Variants in TPST2 observed in about 807,000 individuals in gnomAD.
TPST2 encodes tyrosylprotein sulfotransferase 2.
In TPST2, 16 loss-of-function variants were observed where a neutral mutation model predicts 27.8. That is an observed-to-expected ratio of 0.58 (90% CI 0.39 to 0.88). TPST2 has a LOEUF of 0.88. TPST2 is among the 40% of genes least tolerant of loss of function. The probability of loss-of-function intolerance (pLI) is 0.00; values close to 1 mark genes in which losing one functional copy is unlikely to be tolerated. For missense variants in TPST2, 464 were observed against 543.1 expected (o/e 0.85, Z 1.45); for synonymous variants, 229 against 231.7 (o/e 0.99, Z 0.10).
chr22:26,532,273 C>T lies in TPST2; in HGVS notation c.1092+422G>A, dbSNP rs540708366. 2.0e-5 allele frequency among the ~76,000 whole-genome samples: 3 copies of T among 152,214 alleles called. No individual in the cohort carries two copies. The East Asian group carries it at 5.8e-4, about 29-fold the overall frequency. ...TCTGGTCCAGCACGCATCCCCACAG[C>T]CCTTTATTTTTTATTTTTATTTTTT... is the stretch of plus-strand genomic sequence containing the variant. On this transcript the variant is annotated intron_variant, in intron 5 of 6. Coordinates refer to ENST00000338754, the MANE Select transcript of TPST2 (RefSeq NM_003595.5).
chr22:26,570,053 A>G (rs11704297), intron 1 of TPST2, among the ~76,000 whole-genome samples: 1 of 131,550 alleles, frequency 7.6e-6, no homozygotes, highest in East Asian at 2.2e-4. Flanking sequence ...GACAGAAAGA[A>G]AGAAAGAAAG....
intron 4 of TPST2, chr22:26,535,845 T>G (rs1925425705): frequency 6.2e-6 from 2 of 323,886 alleles, no homozygotes; most frequent in Non-Finnish European, 1.2e-5. Context: ...TAAGCATAAT[T>G]TAAACAGCCC....
chr22:26,550,187 C>T (rs1320985985), intron 1 of TPST2, among the ~76,000 whole-genome samples: 8 of 152,074 alleles, frequency 5.3e-5, no homozygotes, highest in Non-Finnish European at 8.8e-5. Flanking sequence ...TTCATTCCAC[C>T]AATGTTTACT....
chr22:26,585,603 C>G (rs1928310996), intron 1 of TPST2, among the ~76,000 whole-genome samples: 1 of 152,154 alleles, frequency 6.6e-6, no homozygotes, highest in South Asian at 2.1e-4. Context: ...CTGCTGCTAC[C>G]CAGAGAAGCT....
chr22:26,526,597 G>A (rs892957688), intron 6 of TPST2, among the ~76,000 whole-genome samples: 1 of 152,142 alleles, frequency 6.6e-6, no homozygotes, highest in Non-Finnish European at 1.5e-5. Context: ...TCTGTACCCA[G>A]GATTCAGCTA....
chr22:26,561,033 G>A, intron 1 of TPST2: 1 of 1,600,150 alleles, frequency 6.2e-7, no homozygotes, highest in Non-Finnish European at 8.5e-7. Context: ...AAAGCCTGAT[G>A]CAGCAAAAAA....
At position 26,540,907 on chromosome 22, in the gene TPST2, C is replaced by A; in HGVS notation, c.724G>T (p.Val242Leu). Residue 242 changes from valine to leucine, a missense_variant, in exon 3 of 7, where the codon GTG becomes TTG. Val to Leu is a conservative substitution (Grantham distance 32). Transcript: ENST00000338754. ...TTGAGTGAGCGCCTGGGGTGCAGCACCAGCTGCTCGTAGTACACAGGCAGG... is the reference window on the plus strand; with the variant it reads ...TTGAGTGAGCGCCTGGGGTGCAGCAACAGCTGCTCGTAGTACACAGGCAGG... ...KCLPVYYEQLVLHPRRSLKLI... is the reference protein window; with the variant it reads ...KCLPVYYEQLLLHPRRSLKLI... 2.5e-6 allele frequency: 4 copies of A among 1,614,206 alleles called. No homozygotes were observed. The highest frequency in any genetic ancestry group is 3.4e-6 in the Non-Finnish European group (4 of 1,180,038).
At chr22:26,583,426 A>G (rs1471672394) in intron 1 of TPST2, among the ~76,000 whole-genome samples, 9 of 131,776 alleles carry the variant, frequency 6.8e-5, no homozygotes, top group East Asian at 2.3e-4. Flanking sequence ...GACAGAAGGA[A>G]ACTCCATCTC....
intron 1 of TPST2, among the ~76,000 whole-genome samples, chr22:26,573,639 T>C (rs1401634131): frequency 6.6e-6 from 1 of 152,182 alleles, no homozygotes; most frequent in Non-Finnish European, 1.5e-5. Context: ...AAGCAAGCAA[T>C]AAATAAATAC....
intron 5 of TPST2, among the ~76,000 whole-genome samples, chr22:26,530,705 A>C (rs1355032601): frequency 6.6e-6 from 1 of 151,586 alleles, no homozygotes; most frequent in Non-Finnish European, 1.5e-5. Context: ...AACAAGGCTA[A>C]AAGTGTTTTA....
Position 26,522,232 on chromosome 22 carries a change from CTT to C in TPST2, c.*4041_*4042del, listed in dbSNP as rs1051853670. 4.7e-5 allele frequency: 7 copies of C among 148,776 alleles called. No individual in the cohort carries two copies. Among genetic ancestry groups the C allele is most frequent in the Non-Finnish European group, 1.1e-4 (7 of 66,600 alleles). The allele number at this position is 148,776 out of a possible 1,614,324, so 9.2% of individuals were successfully genotyped here. On this transcript the variant is annotated 3_prime_UTR_variant, in exon 7 of 7. Coordinates refer to ENST00000338754, the MANE Select transcript of TPST2 (RefSeq NM_003595.5). ...ACTGAGGCTCAGAGAAGGGGAGTCACTTGGCCACAGTCGCACAGTTGGAAAGT... is the reference window on the plus strand; with the variant it reads ...ACTGAGGCTCAGAGAAGGGGAGTCACGGCCACAGTCGCACAGTTGGAAAGT...
chr22:26,574,542 C>T (rs1443911733), intron 1 of TPST2, among the ~76,000 whole-genome samples: 1 of 152,176 alleles, frequency 6.6e-6, no homozygotes, highest in Non-Finnish European at 1.5e-5. Flanking sequence ...GCCTGAGGCA[C>T]CTGTTTGCCC....
intron 1 of TPST2, among the ~76,000 whole-genome samples, chr22:26,588,756 C>T (rs1049844212): frequency 3.9e-5 from 6 of 151,922 alleles, no homozygotes; most frequent in South Asian, 2.1e-4. Flanking sequence ...ATGCGTCGCC[C>T]GGGCCACATC....
intron 1 of TPST2, among the ~76,000 whole-genome samples, chr22:26,585,696 G>A (rs1928314748): frequency 6.6e-6 from 1 of 152,146 alleles, no homozygotes; most frequent in African/African-American, 2.4e-5. Context: ...CCAACCCCAG[G>A]CTGTGAAGCT....
chr22:26,541,521 C>T lies in TPST2; in HGVS notation c.110G>A (p.Gly37Asp), dbSNP rs1321304041. 2 of 1,611,608 alleles carry T rather than the reference C, an allele frequency of 1.2e-6. No homozygotes were observed. Among genetic ancestry groups the T allele is most frequent in the Non-Finnish European group, 1.7e-6 (2 of 1,179,106 alleles). Residue 37 changes from glycine to aspartate, a missense_variant, in exon 3 of 7, where the codon GGC becomes GAC. Transcript: ENST00000338754. This position sits in a 1 kb window ranked among gnomAD's most constrained non-coding sequence, Gnocchi z 5.9. ...CATGGCCCCCCGGGGGCTCCGCAGG[C>T]CCGCCAGCACCGCCCGGCACTCTAG... ...QVLECRAVLA[G>D]LRSPRGAMRP...
chr22:26,535,437 T>C (rs1925400112), intron 4 of TPST2, among the ~76,000 whole-genome samples: 1 of 152,194 alleles, frequency 6.6e-6, no homozygotes, highest in Non-Finnish European at 1.5e-5. Flanking sequence ...GCCATCAACT[T>C]GTTAACTGTT....
At chr22:26,585,717 T>C (rs777580435) in intron 1 of TPST2, among the ~76,000 whole-genome samples, 11 of 152,164 alleles carry the variant, frequency 7.2e-5, no homozygotes, top group Non-Finnish European at 1.3e-4. Context: ...ACATCTGATC[T>C]GCCACTCTTA....
At chr22:26,544,514 C>A in intron 2 of TPST2, 90 bp downstream of exon 2, 1 of 746,130 alleles carries the variant, frequency 1.3e-6, no homozygotes, top group Non-Finnish European at 1.6e-6. Context: ...GGCACCCAAT[C>A]ATGGAGGCTG....
chr22:26,588,012 C>T (rs1258833200), intron 1 of TPST2, among the ~76,000 whole-genome samples: 6 of 136,916 alleles, frequency 4.4e-5, no homozygotes, highest in African/African-American at 1.0e-4. Context: ...TCATTCCACT[C>T]CTAGAAATAT....
Sources: gnomAD v4.1 joint callset for allele counts (sites outside exome capture counted in the v4.1 genomes callset) on GRCh38, gnomAD v4.1.1 for gene constraint, Gnocchi (gnomAD v3.1) non-coding constraint, MANE v1.5 for transcripts, NCBI Gene and HGNC (gene_info 2026-07-23, HGNC 2026-07-21) for gene names.